KHDRBS2: variants seen among roughly 807,000 people sequenced by gnomAD.
KHDRBS2 encodes the protein KH RNA binding domain containing, signal transduction associated 2.
KHDRBS2 carries 26 observed loss-of-function variants against 44.3 expected under a neutral mutation model. The observed-to-expected ratio is 0.59, with a 90% CI of 0.43 to 0.81. KHDRBS2 has a LOEUF of 0.81. KHDRBS2 is among the 40% of genes least tolerant of loss of function. The pLI is 0.00. For synonymous variants in KHDRBS2, 194 were observed against 151.1 expected (o/e 1.28, Z -2.08); for missense variants, 476 against 433.1 (o/e 1.10, Z -0.88).
At chr6:61,772,690 G>A (rs1781156554) in intron 6 of KHDRBS2, among the ~76,000 whole-genome samples, 1 of 151,598 alleles carries the variant, frequency 6.6e-6, no homozygotes, top group Non-Finnish European at 1.5e-5. Context: ...TGCACAATGT[G>A]CACATTAGTT....
chr6:62,182,064 A>C (rs1343147696), intron 1 of KHDRBS2, among the ~76,000 whole-genome samples: 3 of 152,020 alleles, frequency 2.0e-5, no homozygotes, highest in Non-Finnish European at 2.9e-5. Context: ...ATGAAGCAGG[A>C]AATAAGCCCC....
chr6:61,818,266 T>TAAAAAAAAAAAAAAAAAA (rs60399147), intron 6 of KHDRBS2, among the ~76,000 whole-genome samples: 11 of 114,456 alleles, frequency 9.6e-5, no homozygotes, highest in African/African-American at 3.5e-4. Context: ...CCTCTGTAAG[T>TAAAAAAAAAAAAAAAAAA]AAAAAAAAAA....
chr6:62,267,271 C>A (rs763761928), intron 1 of KHDRBS2, among the ~76,000 whole-genome samples: 1 of 152,050 alleles, frequency 6.6e-6, no homozygotes, highest in Non-Finnish European at 1.5e-5. Context: ...CAAGGAAATT[C>A]TCCTTCATCT....
intron 6 of KHDRBS2, among the ~76,000 whole-genome samples, chr6:61,868,557 G>A (rs930320259): frequency 4.6e-5 from 7 of 152,208 alleles, no homozygotes; most frequent in African/African-American, 1.7e-4. Context: ...AGGAGGAATG[G>A]ATTGGGGTCC....
chr6:61,581,200 A>G, the KHDRBS2 span, among the ~76,000 whole-genome samples: 1 of 151,224 alleles, frequency 6.6e-6, no homozygotes, highest in African/African-American at 2.5e-5. Context: ...TGCCATGCAA[A>G]AGTGCATTGC....
At chr6:61,638,464 C>A in the KHDRBS2 span, among the ~76,000 whole-genome samples, 1 of 152,138 alleles carries the variant, frequency 6.6e-6, no homozygotes, top group Non-Finnish European at 1.5e-5. Flanking sequence ...ATATAGAAAG[C>A]TGAAACTGGA....
intron 3 of KHDRBS2, among the ~76,000 whole-genome samples, chr6:62,018,506 C>T (rs762317562): frequency 1.7e-4 from 26 of 152,116 alleles, no homozygotes; most frequent in Non-Finnish European, 1.5e-4. Flanking sequence ...TGCCACCACG[C>T]CCGGCTAATT....
chr6:61,838,248 T>C (rs1239007738), intron 6 of KHDRBS2, among the ~76,000 whole-genome samples: 1 of 152,028 alleles, frequency 6.6e-6, no homozygotes, highest in African/African-American at 2.4e-5. Flanking sequence ...CTTGTGTTGT[T>C]AAACATATTT....
chr6:61,650,789 A>G, the KHDRBS2 span, among the ~76,000 whole-genome samples: 1 of 152,134 alleles, frequency 6.6e-6, no homozygotes, highest in Non-Finnish European at 1.5e-5. Context: ...AGAAGATAAA[A>G]TAAGAGTAAT....
At chr6:61,774,695 C>T (rs1312485322) in intron 6 of KHDRBS2, among the ~76,000 whole-genome samples, 2 of 152,066 alleles carry the variant, frequency 1.3e-5, no homozygotes, top group African/African-American at 2.4e-5. Flanking sequence ...GATTCACAGC[C>T]GAATTCTCCC....
intron 1 of KHDRBS2, among the ~76,000 whole-genome samples, chr6:62,217,844 A>T (rs1830275848): frequency 6.6e-6 from 1 of 152,066 alleles, no homozygotes; most frequent in Middle Eastern, 3.4e-3. Flanking sequence ...TGAAGTTTTT[A>T]AATTAATGAT....
At chr6:61,663,000 T>G in the KHDRBS2 span, among the ~76,000 whole-genome samples, 2 of 151,752 alleles carry the variant, frequency 1.3e-5, no homozygotes, top group South Asian at 2.1e-4. Context: ...GGAACCAACC[T>G]AAATGTCCAA....
chr6:62,199,547 A>C (rs1826460796), intron 1 of KHDRBS2, among the ~76,000 whole-genome samples: 1 of 152,182 alleles, frequency 6.6e-6, no homozygotes, highest in African/African-American at 2.4e-5. Context: ...AGACCTCTTC[A>C]AGGAGAACTA....
At chr6:62,087,350 G>A (rs2127360199) in intron 2 of KHDRBS2, among the ~76,000 whole-genome samples, 1 of 151,600 alleles carries the variant, frequency 6.6e-6, no homozygotes, top group East Asian at 1.9e-4. Flanking sequence ...TAATGTTTTA[G>A]GATCTAAAAA....
At chr6:62,247,160 A>G (rs1327766122) in intron 1 of KHDRBS2, among the ~76,000 whole-genome samples, 1 of 152,034 alleles carries the variant, frequency 6.6e-6, no homozygotes, top group Non-Finnish European at 1.5e-5. Flanking sequence ...TTAAAAATCT[A>G]CCTACTAGGG....
the KHDRBS2 span, among the ~76,000 whole-genome samples, chr6:61,613,516 T>A: frequency 6.6e-6 from 1 of 152,168 alleles, no homozygotes; most frequent in African/African-American, 2.4e-5. Flanking sequence ...GGATGAGAAA[T>A]TAGGTCTCAT....
intron 4 of KHDRBS2, among the ~76,000 whole-genome samples, chr6:61,954,586 A>G (rs552993474): frequency 1.4e-5 from 2 of 139,582 alleles, no homozygotes; most frequent in African/African-American, 2.7e-5. Flanking sequence ...AGACATATTT[A>G]TGTATATATA....
At chr6:62,234,504 C>T (rs1833394178) in intron 1 of KHDRBS2, among the ~76,000 whole-genome samples, 1 of 152,082 alleles carries the variant, frequency 6.6e-6, no homozygotes, top group Non-Finnish European at 1.5e-5. Flanking sequence ...TATTCTTCAT[C>T]ATACCTCAAC....
rs531922344 is a variant in KHDRBS2 at position 62,139,589 on chromosome 6, A to G, written c.219+37596T>C. 2.6e-5 allele frequency among the ~76,000 whole-genome samples: 4 copies of G among 152,186 alleles called. No individual in the cohort carries two copies. The East Asian group carries it at 5.8e-4, about 22-fold the overall frequency. ...AAAAAGAAATTTATATGTAATGACA[A>G]ATTTGGAGGAAATACAAATATATCT... On this transcript the variant is annotated intron_variant, in intron 2 of 8. Coordinates refer to ENST00000281156, the MANE Select transcript of KHDRBS2 (RefSeq NM_152688.4).
Sources: gnomAD v4.1 joint callset for allele counts (sites outside exome capture counted in the v4.1 genomes callset) on GRCh38, gnomAD v4.1.1 for gene constraint, MANE v1.5 for transcripts, NCBI Gene and HGNC (gene_info 2026-07-23, HGNC 2026-07-21) for gene names.